The following C7 variants were observed in gnomAD, a reference collection of about 807,000 sequenced individuals.
C7 encodes complement component C7.
Under a neutral mutation model 104.8 loss-of-function variants are expected in C7, and 83 were observed. The observed-to-expected ratio is 0.79, with a 90% CI of 0.66 to 0.95. The LOEUF (loss-of-function observed/expected upper bound fraction) is 0.95, where lower values mean the gene tolerates loss of function less well. C7 is among the 40% of genes least tolerant of loss of function. The pLI, the probability that C7 is intolerant of heterozygous loss-of-function variation, is 0.00. For synonymous variants in C7, 415 were observed against 360.6 expected (o/e 1.15, Z -1.71); for missense variants, 1,070 against 1,011.2 (o/e 1.06, Z -0.79).
intron 1 of C7, among the ~76,000 whole-genome samples, chr5:40,918,961 C>CAA (rs1178297722): frequency 1.4e-4 from 15 of 103,508 alleles, no homozygotes; most frequent in Admixed American, 5.4e-4. Flanking sequence ...CACACACACA[C>CAA]ACACACACAC....
intron 1 of C7, among the ~76,000 whole-genome samples, chr5:40,912,877 T>C (rs1332056306): frequency 6.6e-6 from 1 of 152,224 alleles, no homozygotes; most frequent in African/African-American, 2.4e-5. Context: ...TGTTGAAGTC[T>C]GGGCTTTCAG....
rs1290440490 is a variant in C7 at position 40,972,427 on chromosome 5, T to A, written c.1907T>A (p.Leu636Gln). 1 of 1,613,894 alleles carries A rather than the reference T, an allele frequency of 6.2e-7. No homozygotes were observed. Residue 636 changes from leucine to glutamine, a missense_variant, in exon 15 of 18, where the codon CTG becomes CAG. By Grantham distance (113) the Leu-to-Gln change is moderately radical. Coordinates refer to ENST00000313164, the MANE Select transcript of C7 (RefSeq NM_000587.4). ...GAAATTGCCTGTGTTCTACCTGTAC[T>A]GATGGATGGCATACAGAGTCACCCC... ...CQKIACVLPVLMDGIQSHPQK... is the reference protein window; with the variant it reads ...CQKIACVLPVQMDGIQSHPQK...
chr5:40,977,282 G>T (rs1457966090), intron 16 of C7, among the ~76,000 whole-genome samples: 2 of 152,202 alleles, frequency 1.3e-5, no homozygotes, highest in African/African-American at 4.8e-5. Context: ...CCACCAACTT[G>T]AAATCATTCC....
At chr5:40,923,765 CGA>C (rs1317213085) in intron 1 of C7, among the ~76,000 whole-genome samples, 14 of 150,826 alleles carry the variant, frequency 9.3e-5, no homozygotes, top group African/African-American at 2.9e-4. Flanking sequence ...AAAAAGTATG[CGA>C]GAGGGGGAAA....
At chr5:40,922,261 T>C (rs1739453686) in intron 1 of C7, among the ~76,000 whole-genome samples, 1 of 145,188 alleles carries the variant, frequency 6.9e-6, no homozygotes, top group African/African-American at 2.6e-5. Context: ...TGTAGTCCCA[T>C]CTACTTGGGA....
intron 3 of C7, among the ~76,000 whole-genome samples, chr5:40,933,413 C>T (rs1739737857): frequency 6.6e-6 from 1 of 152,152 alleles, no homozygotes; most frequent in African/African-American, 2.4e-5. Flanking sequence ...GGAAGATGCT[C>T]ACTGATTGCC....
Position 40,972,449 on chromosome 5 carries a change from C to A in C7, c.1929C>A (p.His643Gln), listed in dbSNP as rs768393379. The A allele has an allele frequency of 6.2e-7, 1 of 1,613,670 alleles. No homozygotes were observed. The highest frequency in any genetic ancestry group is 1.3e-5 in the African/African-American group (1 of 74,878). ...TACTGATGGATGGCATACAGAGTCA[C>A]CCCCAAAAACCTTTCTACACAGTTG... ...LPVLMDGIQS[H>Q]PQKPFYTVGE... Residue 643 changes from histidine (H) to glutamine (Q), a missense_variant, in exon 15 of 18, where the codon CAC becomes CAA. His to Gln is a conservative substitution (Grantham distance 24). Transcript: ENST00000313164.
At chr5:40,965,865 A>G (rs1367033169) in intron 14 of C7, among the ~76,000 whole-genome samples, 1 of 151,744 alleles carries the variant, frequency 6.6e-6, no homozygotes, top group Admixed American at 6.6e-5. Flanking sequence ...CTGGTCTCGA[A>G]GTCCTGAACT....
At position 40,975,366 on chromosome 5, in the gene C7, C is replaced by CTTTTTTTTTTTTTTTT. The variant is rs1162765793; in HGVS notation, c.2075-1369_2075-1368insTTTTTTTTTTTTTTTT. On this transcript the variant is annotated intron_variant, in intron 15 of 17. Coordinates refer to ENST00000313164, the MANE Select transcript of C7 (RefSeq NM_000587.4). ...TAATACCATTTTAAAGAGAAGTGTG[C>CTTTTTTTTTTTTTTTT]TTTTTTTTTTTTTTTGAGACAAGGT... Among the ~76,000 whole-genome samples the CTTTTTTTTTTTTTTTT allele has an allele frequency of 1.4e-5, 2 of 142,012 alleles. 1 individual carries two copies. The highest frequency in any genetic ancestry group is 3.1e-5 in the Non-Finnish European group (2 of 65,226). The allele number at this position is 142,012 out of a possible 152,430, so 93.2% of individuals were successfully genotyped here. A position where few individuals can be genotyped will look rare whatever the true frequency, so the allele number is the denominator to read the frequency against.
At position 40,962,175 on chromosome 5, in the gene C7, T is replaced by C. The variant is rs374479251; in HGVS notation, c.1749+3T>C. ...CCTTGAAAGATGGATTTGTTCAAGT[T>C]GGTTATGAAAGATATTTTTTTCCTT... On this transcript the variant is annotated splice_donor_region_variant and intron_variant, in intron 13 of 17. Transcript: ENST00000313164. 6.6e-7 allele frequency: 1 copy of C among 1,524,714 alleles called. No homozygotes were observed. The allele number at this position is 1,524,714 out of a possible 1,614,324, so 94.4% of individuals were successfully genotyped here.
At chr5:40,927,875 A>G (rs1739591227) in intron 1 of C7, among the ~76,000 whole-genome samples, 1 of 152,166 alleles carries the variant, frequency 6.6e-6, no homozygotes, top group Non-Finnish European at 1.5e-5. Context: ...CAGCTCTTAT[A>G]GAAAACTGCA....
intron 3 of C7, 144 bp from the exon 4 acceptor site, chr5:40,934,181 G>A: frequency 1.3e-6 from 1 of 782,800 alleles, no homozygotes. Context: ...TTTTATTTCT[G>A]TAGAACACCA....
chr5:40,928,482 C>T (rs538325525), intron 1 of C7, 98 bp from the exon 2 acceptor site: 1 of 703,624 alleles, frequency 1.4e-6, no homozygotes, highest in Non-Finnish European at 2.4e-6. Context: ...AATAACATCA[C>T]TTTGTACCCC....
intron 9 of C7, among the ~76,000 whole-genome samples, chr5:40,952,811 C>T (rs1387734933): frequency 1.3e-5 from 2 of 152,102 alleles, no homozygotes; most frequent in Non-Finnish European, 2.9e-5. Flanking sequence ...AAATACTATG[C>T]AGCCATAAAA....
At chr5:40,979,520 T>A (rs1239738515) in intron 16 of C7, among the ~76,000 whole-genome samples, 1 of 152,046 alleles carries the variant, frequency 6.6e-6, no homozygotes, top group African/African-American at 2.4e-5. Flanking sequence ...GAGCAAATAA[T>A]GAGTAAATAC....
intron 14 of C7, among the ~76,000 whole-genome samples, chr5:40,969,299 T>G (rs888703003): frequency 3.3e-5 from 5 of 152,224 alleles, no homozygotes; most frequent in Non-Finnish European, 7.3e-5. Flanking sequence ...CTGTTGTAAT[T>G]CTCCATCTTG....
At chr5:40,972,697 C>T (rs1470319805) in intron 15 of C7, 103 bp downstream of exon 15, 4 of 881,186 alleles carry the variant, frequency 4.5e-6, no homozygotes, top group Non-Finnish European at 6.9e-6. Flanking sequence ...TGAGTCATTC[C>T]CTCCATTCTT....
chr5:40,968,846 A>G (rs749282134), intron 14 of C7, among the ~76,000 whole-genome samples: 62 of 151,516 alleles, frequency 4.1e-4, no homozygotes, highest in Non-Finnish European at 7.2e-4. Context: ...TCCTGAGCTC[A>G]AGTGATCTGC....
chr5:40,937,840 A>G, intron 6 of C7, 150 bp downstream of exon 6: 1 of 716,866 alleles, frequency 1.4e-6, no homozygotes, highest in Non-Finnish European at 2.2e-6. Context: ...AAAAGTATAC[A>G]CAGTGTTTTT....
Sources: allele counts gnomAD v4.1 joint callset (sites outside exome capture counted in the v4.1 genomes callset), GRCh38; gene constraint gnomAD v4.1.1; transcripts MANE v1.5; gene names NCBI Gene and HGNC (gene_info 2026-07-23, HGNC 2026-07-21).